The following ZNF862 variants were observed in gnomAD, a reference collection of about 807,000 sequenced individuals.
The protein encoded by ZNF862 is zinc finger protein 862.
Under a neutral mutation model 91.1 loss-of-function variants are expected in ZNF862, and 64 were observed. The ratio of observed to expected loss-of-function variants is 0.70; its 90% confidence interval spans 0.57 to 0.87. ZNF862 has a LOEUF of 0.87. Ranked by LOEUF, ZNF862 falls within the 40% of genes least tolerant of loss-of-function variation. ZNF862 has a pLI of 0.00. For synonymous variants in ZNF862, 631 were observed against 618.1 expected, an observed-to-expected ratio of 1.02 and a Z score of -0.31; for missense variants, 1,459 against 1,528.0, an observed-to-expected ratio of 0.95 and a Z score of 0.75.
chr7:149,860,291 G>T (rs748591738), intron 6 of ZNF862, 92 bp from the exon 7 acceptor site: 2 of 1,156,648 alleles, frequency 1.7e-6, no homozygotes, highest in African/African-American at 1.6e-5. Flanking sequence ...CCTTGCTTAA[G>T]GGATACTTAT....
rs186367317 is a variant in ZNF862, at chr7:149,849,630, C to T, written c.940-531C>T. ...ATTTTTCCAAAATCCAGAAAAACAG[C>T]ATAGCTCATTTCTTTTCCTGTTCCT... On this transcript the variant is annotated intron_variant, in intron 4 of 7. Coordinates refer to ENST00000223210, the MANE Select transcript of ZNF862 (RefSeq NM_001099220.3). Among the ~76,000 whole-genome samples the T allele has an allele frequency of 1.4e-4, 22 of 152,340 alleles. No homozygotes were observed. The East Asian group carries it at 4.2e-3, about 29-fold the overall frequency.
intron 7 of ZNF862, among the ~76,000 whole-genome samples, chr7:149,862,836 G>A (rs1352843807): frequency 2.0e-5 from 3 of 152,230 alleles, no homozygotes; most frequent in African/African-American, 7.2e-5. Flanking sequence ...AATGAGTTGT[G>A]TGTGGAAAAC....
chr7:149,856,416 A>G (rs560653044), intron 5 of ZNF862: 1 of 152,300 alleles, frequency 6.6e-6, no homozygotes, highest in African/African-American at 2.4e-5. Flanking sequence ...AGTTATGATT[A>G]TGTGTGATTT....
chr7:149,844,568 T>C (rs981095727), intron 1 of ZNF862, 57 bp from the exon 2 acceptor site: 2 of 1,353,490 alleles, frequency 1.5e-6, no homozygotes, highest in African/African-American at 1.5e-5. Flanking sequence ...AGGAACACTT[T>C]TGGAAGATAA....
rs372927621 is a variant in ZNF862, at chr7:149,861,122, G to C, written c.1962G>C (p.Glu654Asp). Residue 654 changes from glutamate to aspartate, a missense_variant, in exon 7 of 8, where the codon GAG (glutamate) becomes GAC (aspartate). Transcript: ENST00000223210. The surrounding 1 kb of genome is among the most constrained non-coding windows in gnomAD (Gnocchi z 6.7). The part of the protein sequence containing the change: ...IRYFKQMEVK[E>D]SYITLAPLYS... ...ACTTCAAGCAGATGGAGGTGAAAGA[G>C]TCCTACATCACTCTGGCCCCTCTCT... The C allele has an allele frequency of 3.6e-5, 58 of 1,613,026 alleles. 1 individual carries two copies. In the South Asian group the frequency reaches 5.9e-4, roughly 16 times the overall value.
chr7:149,853,904 C>CT lies in ZNF862; in HGVS notation c.1117+3567dup, dbSNP rs548866047. On this transcript the variant is annotated intron_variant, in intron 5 of 7. Coordinates refer to ENST00000223210, the MANE Select transcript of ZNF862 (RefSeq NM_001099220.3). The stretch of plus-strand genomic sequence containing the variant: ...AGTGAGCCAAGATCGTGCCACTGTA[C>CT]TCCAGCCTGGGCGACAGAGCCAGAC... Among the ~76,000 whole-genome samples, 717 of 150,090 alleles carry CT rather than the reference C, an allele frequency of 4.8e-3. 22 individuals are homozygous for CT. The highest frequency in any genetic ancestry group is 1.8e-3 in the Non-Finnish European group (125 of 67,742).
At position 149,865,543 on chromosome 7, in the gene ZNF862, C is replaced by T. The variant is rs1802686632; in HGVS notation, c.*1259C>T. Reference sequence around the variant, plus strand: ...AGGTTCACACCCTCCTCGCCCCGATCTTCCTTCCACCTAAAGTGAAGCACT... The same window carrying T: ...AGGTTCACACCCTCCTCGCCCCGATTTTCCTTCCACCTAAAGTGAAGCACT... On this transcript the variant is annotated 3_prime_UTR_variant, in exon 8 of 8. Coordinates refer to ENST00000223210, the MANE Select transcript of ZNF862 (RefSeq NM_001099220.3). 6.6e-6 allele frequency: 1 copy of T among 151,346 alleles called. No homozygotes were observed. Among genetic ancestry groups the T allele is most frequent in the East Asian group, 1.9e-4 (1 of 5,178 alleles). 9.4% of individuals were successfully genotyped at this position (151,346 alleles called of 1,614,324 possible).
Position 149,862,375 on chromosome 7 carries a change from G to A in ZNF862, c.3215G>A (p.Gly1072Asp). The change falls in exon 7 of 8, where the codon GGC becomes GAC. Residue 1072 changes from glycine (G) to aspartate (D), a missense_variant. Transcript: ENST00000223210. ...ATGCTCATGATGACAGCTGTGAACG[G>A]CGTGGCCGTCACGGAGTACGACCCC... is the stretch of plus-strand genomic sequence containing the variant. ...LNMLMMTAVNGVAVTEYDPQP... is the reference protein window; with the variant it reads ...LNMLMMTAVNDVAVTEYDPQP... 1 of 1,613,032 alleles carries A rather than the reference G, an allele frequency of 6.2e-7. No homozygotes were observed. Among genetic ancestry groups the A allele is most frequent in the Non-Finnish European group, 8.5e-7 (1 of 1,179,650 alleles).
intron 7 of ZNF862, 49 bp from the exon 8 acceptor site, chr7:149,864,060 G>A: frequency 6.6e-7 from 1 of 1,522,186 alleles, no homozygotes; most frequent in Non-Finnish European, 8.8e-7. Context: ...GGATGTGGAA[G>A]GCGGTCACTG....
chr7:149,846,316 C>A, intron 3 of ZNF862, 61 bp downstream of exon 3: 1 of 1,303,444 alleles, frequency 7.7e-7, no homozygotes, highest in Non-Finnish European at 1.1e-6. Flanking sequence ...TGGGCAGCCC[C>A]AGGACTCCAG....
At position 149,848,422 on chromosome 7, in the gene ZNF862, C is replaced by G; in HGVS notation, c.929C>G (p.Ser310Cys). ...INILYNDAVE[S>C]CIQDPSAEGL... ...ATTTTATATAATGATGCAGTAGAAT[C>G]CTGCATTCAGGTAATACGTTTATAA... The change falls in exon 4 of 8, where the codon TCC (serine) becomes TGC (cysteine). Residue 310 changes from serine (S) to cysteine (C), a missense_variant. Transcript: ENST00000223210. 1 of 1,537,454 alleles carries G rather than the reference C, an allele frequency of 6.5e-7. No individual in the cohort carries two copies. The highest frequency in any genetic ancestry group is 8.8e-7 in the Non-Finnish European group (1 of 1,140,100).
intron 3 of ZNF862, among the ~76,000 whole-genome samples, chr7:149,847,121 A>G (rs1801898053): frequency 6.6e-6 from 1 of 152,258 alleles, no homozygotes; most frequent in Non-Finnish European, 1.5e-5. Context: ...TTCAGCTTGA[A>G]GAAGAAAGAT....
At chr7:149,848,875 A>G (rs1167850125) in intron 4 of ZNF862, among the ~76,000 whole-genome samples, 1 of 152,140 alleles carries the variant, frequency 6.6e-6, no homozygotes, top group East Asian at 1.9e-4. Flanking sequence ...ATCATAGCTC[A>G]CTGCAGCCTT....
intron 1 of ZNF862, among the ~76,000 whole-genome samples, chr7:149,839,902 G>A (rs1801638872): frequency 6.6e-6 from 1 of 152,146 alleles, no homozygotes; most frequent in Non-Finnish European, 1.5e-5. Flanking sequence ...GGGGGAAGAA[G>A]GATTATAAAA....
chr7:149,851,298 T>C (rs912519275), intron 5 of ZNF862, among the ~76,000 whole-genome samples: 3 of 152,218 alleles, frequency 2.0e-5, no homozygotes, highest in African/African-American at 7.2e-5. Flanking sequence ...CTCAAAGTGC[T>C]AGGATTACAG....
At chr7:149,858,897 G>T (rs552269605) in intron 5 of ZNF862, 1 of 137,238 alleles carries the variant, frequency 7.3e-6, no homozygotes, top group South Asian at 2.5e-4. Context: ...TGGGGGCAGA[G>T]GGGCACACGC....
intron 5 of ZNF862, among the ~76,000 whole-genome samples, chr7:149,857,632 G>A (rs540195475): frequency 3.3e-5 from 5 of 152,060 alleles, no homozygotes; most frequent in African/African-American, 7.2e-5. Flanking sequence ...CCTTAGAAAC[G>A]GACTGGAAGC....
At position 149,862,441 on chromosome 7, in the gene ZNF862, G is replaced by A. The variant is rs1325140366; in HGVS notation, c.3281G>A (p.Arg1094Gln). Residue 1094 changes from arginine (R) to glutamine (Q), a missense_variant, in exon 7 of 8, where the codon CGG becomes CAG. Coordinates refer to ENST00000223210, the MANE Select transcript of ZNF862 (RefSeq NM_001099220.3). ...CACTGGTACCTGACCTCCTCAGGCCGGCGTTTCAGCCATGTCTACACCTGT... is the reference window on the plus strand; with the variant it reads ...CACTGGTACCTGACCTCCTCAGGCCAGCGTTTCAGCCATGTCTACACCTGT... ...IQHWYLTSSG[R>Q]RFSHVYTCAQ... 6.2e-6 allele frequency: 10 copies of A among 1,611,528 alleles called. No homozygotes were observed. The highest frequency in any genetic ancestry group is 1.6e-4 in the Middle Eastern group (1 of 6,082).
At position 149,838,589 on chromosome 7, in the gene ZNF862, C is replaced by A; in HGVS notation, c.-23C>A. On this transcript the variant is annotated 5_prime_UTR_variant, in exon 1 of 8. Coordinates refer to ENST00000223210, the MANE Select transcript of ZNF862 (RefSeq NM_001099220.3). Reference sequence around the variant, plus strand: ...GCCAGGCCGCGGGGGGAGGGGGCGGCACGGGCCTCCGAAAGCGGGGCCATG... The same window carrying A: ...GCCAGGCCGCGGGGGGAGGGGGCGGAACGGGCCTCCGAAAGCGGGGCCATG... 5 of 1,218,834 alleles carry A rather than the reference C, an allele frequency of 4.1e-6. No individual in the cohort carries two copies. The highest frequency in any genetic ancestry group is 5.1e-6 in the Non-Finnish European group (5 of 975,048). The allele number at this position is 1,218,834 out of a possible 1,614,324, so 75.5% of individuals were successfully genotyped here.
Sources: allele counts gnomAD v4.1 joint callset (sites outside exome capture counted in the v4.1 genomes callset), GRCh38; gene constraint gnomAD v4.1.1; non-coding constraint Gnocchi (gnomAD v3.1); transcripts MANE v1.5; gene names NCBI Gene and HGNC (gene_info 2026-07-23, HGNC 2026-07-21).